Variants in THADA observed in about 807,000 individuals in gnomAD.
The protein encoded by THADA is tRNA (32-2'-O)-methyltransferase regulator THADA.
Under a neutral mutation model 219.8 loss-of-function variants are expected in THADA, and 213 were observed. The ratio of observed to expected loss-of-function variants is 0.97; its 90% CI spans 0.87 to 1.09. THADA has a LOEUF of 1.09. THADA is among the 50% of genes least tolerant of loss of function. The pLI is 0.00. For synonymous variants in THADA, 1,018 were observed against 828.9 expected (o/e 1.23, Z -3.92); for missense variants, 2,956 against 2,311.3 (o/e 1.28, Z -5.72).
Position 43,385,538 on chromosome 2 carries a change from C to T in THADA, c.4227+12433G>A, listed in dbSNP as rs560071958. 5.7e-5 allele frequency among the ~76,000 whole-genome samples: 8 copies of T among 139,548 alleles called. No individual in the cohort carries two copies. The South Asian group carries it at 7.3e-4, about 13-fold the overall frequency. The allele number at this position is 139,548 out of a possible 152,430, so 91.5% of individuals were successfully genotyped here. On this transcript the variant is annotated intron_variant, in intron 29 of 37. Coordinates refer to ENST00000405975, the MANE Select transcript of THADA (RefSeq NM_022065.5). ...AGGAGAATGGCGTGAACCCGGAAGG[C>T]GGAGCTTGCCGTGAGCGGAGATCAA...
chr2:43,258,483 T>C (rs765557954), intron 36 of THADA, among the ~76,000 whole-genome samples: 16 of 152,078 alleles, frequency 1.1e-4, no homozygotes, highest in Non-Finnish European at 2.1e-4. Context: ...GATCGTGCCA[T>C]TGCACTCCAG....
intron 21 of THADA, among the ~76,000 whole-genome samples, chr2:43,532,523 T>C (rs991235847): frequency 6.6e-6 from 1 of 151,830 alleles, no homozygotes; most frequent in African/African-American, 2.4e-5. Flanking sequence ...TCAATAAATG[T>C]AGAAAAGGCC....
At chr2:43,248,853 G>A (rs1669532259) in intron 36 of THADA, among the ~76,000 whole-genome samples, 1 of 152,172 alleles carries the variant, frequency 6.6e-6, no homozygotes, top group Admixed American at 6.5e-5. Context: ...TCTCTCGGCA[G>A]TGTGTGCAGT....
At chr2:43,293,827 C>G (rs1041136672) in intron 31 of THADA, among the ~76,000 whole-genome samples, 1 of 152,212 alleles carries the variant, frequency 6.6e-6, no homozygotes, top group African/African-American at 2.4e-5. Flanking sequence ...GATGGGGTCA[C>G]TGTCTCTCAT....
At chr2:43,524,648 A>G (rs1204869607) in intron 22 of THADA, among the ~76,000 whole-genome samples, 1 of 152,230 alleles carries the variant, frequency 6.6e-6, no homozygotes, top group Non-Finnish European at 1.5e-5. Context: ...AGCCACACAC[A>G]CTGTAAAGAT....
At chr2:43,545,475 T>C (rs1376357149) in intron 20 of THADA, among the ~76,000 whole-genome samples, 2 of 152,086 alleles carry the variant, frequency 1.3e-5, no homozygotes, top group Admixed American at 1.3e-4. Context: ...GTACCTCTGG[T>C]AGAATTCGGC....
At chr2:43,501,983 A>G (rs1689053934) in intron 24 of THADA, among the ~76,000 whole-genome samples, 2 of 152,114 alleles carry the variant, frequency 1.3e-5, no homozygotes, top group Admixed American at 6.6e-5. Flanking sequence ...GTTTTGCTCC[A>G]AAGATAGATT....
intron 31 of THADA, among the ~76,000 whole-genome samples, chr2:43,304,426 A>G (rs548041211): frequency 2.0e-5 from 3 of 152,206 alleles, no homozygotes; most frequent in Admixed American, 6.5e-5. Flanking sequence ...AATGTCACTT[A>G]TAAGTGCAAA....
At chr2:43,526,259 T>G (rs1288814685) in intron 22 of THADA, among the ~76,000 whole-genome samples, 11 of 152,286 alleles carry the variant, frequency 7.2e-5, no homozygotes, top group Middle Eastern at 3.4e-3. Context: ...ATTCCTCCAT[T>G]CTATGATGCC....
chr2:43,291,903 C>T, intron 33 of THADA, 135 bp from the exon 34 acceptor site: 1 of 846,752 alleles, frequency 1.2e-6, no homozygotes, highest in Non-Finnish European at 1.8e-6. Context: ...ACAAAAATGC[C>T]TCCGGAAGCA....
chr2:43,454,214 G>A (rs1422813285), intron 26 of THADA, among the ~76,000 whole-genome samples: 1 of 152,032 alleles, frequency 6.6e-6, no homozygotes, highest in African/African-American at 2.4e-5. Context: ...CAATTAATAT[G>A]CACTCATTAA....
intron 26 of THADA, among the ~76,000 whole-genome samples, chr2:43,481,472 T>C (rs768872754): frequency 3.3e-5 from 5 of 152,196 alleles, no homozygotes; most frequent in Admixed American, 2.6e-4. Flanking sequence ...AATCTACCTG[T>C]TTCCATGTAC....
intron 32 of THADA, 22 bp from the exon 33 acceptor site, chr2:43,292,244 A>C: frequency 6.8e-7 from 1 of 1,464,498 alleles, no homozygotes; most frequent in Non-Finnish European, 9.3e-7. Context: ...AAATCCGCAC[A>C]CAAAAAAGAG....
intron 31 of THADA, among the ~76,000 whole-genome samples, chr2:43,314,473 A>G (rs1035138510): frequency 2.6e-5 from 4 of 152,196 alleles, no homozygotes; most frequent in African/African-American, 9.6e-5. Flanking sequence ...GACAGACACA[A>G]TTTTAAGGGG....
At chr2:43,475,075 C>T (rs983067516) in intron 26 of THADA, among the ~76,000 whole-genome samples, 1 of 152,174 alleles carries the variant, frequency 6.6e-6, no homozygotes, top group Non-Finnish European at 1.5e-5. Flanking sequence ...CAAGAAGTTA[C>T]ATCAAAACAC....
chr2:43,506,569 A>G (rs1689693015), intron 23 of THADA, among the ~76,000 whole-genome samples: 1 of 152,200 alleles, frequency 6.6e-6, no homozygotes, highest in Admixed American at 6.5e-5. Context: ...CCTAGGGCTG[A>G]GTGGCAGGGG....
At chr2:43,304,034 T>C (rs1676563724) in intron 31 of THADA, among the ~76,000 whole-genome samples, 1 of 152,212 alleles carries the variant, frequency 6.6e-6, no homozygotes, top group African/African-American at 2.4e-5. Flanking sequence ...CTTGCCATGC[T>C]GAATGTGTGT....
At chr2:43,400,484 T>TAC (rs1030322364) in intron 28 of THADA, among the ~76,000 whole-genome samples, 1 of 145,930 alleles carries the variant, frequency 6.9e-6, no homozygotes, top group African/African-American at 2.5e-5. Flanking sequence ...TATAAATATA[T>TAC]ACACTAAGAA....
Position 43,244,859 on chromosome 2 carries a change from C to G in THADA, c.5297-11977G>C, listed in dbSNP as rs547798568. On this transcript the variant is annotated intron_variant, in intron 36 of 37. Coordinates refer to ENST00000405975, the MANE Select transcript of THADA (RefSeq NM_022065.5). Reference sequence around the variant, plus strand: ...GGTGGTAAGTGCCTTGCACTTCATTCCTATCTGCATGGCCACTCACCCCAG... The same window carrying G: ...GGTGGTAAGTGCCTTGCACTTCATTGCTATCTGCATGGCCACTCACCCCAG... Among the ~76,000 whole-genome samples, 3 of 152,322 alleles carry G rather than the reference C, an allele frequency of 2.0e-5. No homozygotes were observed. The South Asian group carries it at 6.2e-4, about 32-fold the overall frequency.
Sources: allele counts gnomAD v4.1 joint callset (sites outside exome capture counted in the v4.1 genomes callset), GRCh38; gene constraint gnomAD v4.1.1; transcripts MANE v1.5; gene names NCBI Gene and HGNC (gene_info 2026-07-23, HGNC 2026-07-21).